The following ORC3 variants were observed in gnomAD, a reference collection of about 807,000 sequenced individuals.
ORC3 encodes the protein homolog of latheo, Drosophila.
In ORC3, 78 loss-of-function variants were observed where a neutral mutation model predicts 100.7. That is an observed-to-expected ratio of 0.77 (90% CI 0.65 to 0.94). ORC3 has a LOEUF of 0.94. Among genes scored for constraint, ORC3 ranks in the 40% least tolerant of loss-of-function variants. The pLI is 0.00. For synonymous variants in ORC3, 295 were observed against 289.3 expected (o/e 1.02, Z -0.20); for missense variants, 789 against 823.9 (o/e 0.96, Z 0.52).
At chr6:87,621,798 A>G (rs1356190719) in intron 10 of ORC3, 152 bp from the exon 11 acceptor site, 4 of 601,094 alleles carry the variant, frequency 6.7e-6, no homozygotes, top group Non-Finnish European at 1.2e-5. Context: ...TAAAATTACC[A>G]TTAAACCATA....
At chr6:87,640,647 T>G (rs1768174017) in intron 13 of ORC3, among the ~76,000 whole-genome samples, 1 of 152,202 alleles carries the variant, frequency 6.6e-6, no homozygotes, top group Admixed American at 6.5e-5. Context: ...GTACAACTGT[T>G]TTTCCTTATC....
chr6:87,602,912 T>TTATA (rs1554236438), intron 3 of ORC3, among the ~76,000 whole-genome samples: 4 of 36,242 alleles, frequency 1.1e-4, no homozygotes, highest in African/African-American at 1.6e-4. Flanking sequence ...ATATTATATA[T>TTATA]TATATATATA....
chr6:87,632,811 CAG>C (rs1355204176), intron 11 of ORC3, among the ~76,000 whole-genome samples: 4 of 152,080 alleles, frequency 2.6e-5, no homozygotes, highest in Non-Finnish European at 4.4e-5. Context: ...TTGCAGTGAG[CAG>C]AGAGTTAGAC....
At chr6:87,661,554 G>A (rs189713497) in intron 16 of ORC3, among the ~76,000 whole-genome samples, 2 of 152,128 alleles carry the variant, frequency 1.3e-5, no homozygotes, top group African/African-American at 2.4e-5. Context: ...TGGCCACATC[G>A]GGACAAAGCA....
In ORC3 at chr6:87,609,198, A is replaced by G. The variant is rs773205281; in HGVS notation, c.682A>G (p.Lys228Glu). 8.1e-6 allele frequency: 13 copies of G among 1,609,290 alleles called. No homozygotes were observed. The highest frequency in any genetic ancestry group is 1.1e-5 in the Non-Finnish European group (13 of 1,178,604). ...GAAGGATATGGAAAGCTTTGCCACA[A>G]AAGTACTACAAGACTTCATAATTAT... ...ILKDMESFAT[K>E]VLQDFIIISS... The change falls in exon 7 of 20, where the codon AAA becomes GAA. Residue 228 changes from lysine (K) to glutamate (E), a missense_variant. Physicochemically the swap from Lys to Glu is moderately conservative, Grantham distance 56. Transcript: ENST00000392844.
intron 14 of ORC3, among the ~76,000 whole-genome samples, chr6:87,655,158 T>C (rs1440674005): frequency 6.6e-6 from 1 of 152,076 alleles, no homozygotes; most frequent in Non-Finnish European, 1.5e-5. Flanking sequence ...AAAATTACAG[T>C]TGGGAAGAGT....
intron 9 of ORC3, among the ~76,000 whole-genome samples, chr6:87,620,230 G>C (rs1285521687): frequency 6.6e-6 from 1 of 152,120 alleles, no homozygotes; most frequent in Non-Finnish European, 1.5e-5. Flanking sequence ...TGTCCGAAAA[G>C]TACTGTTAAC....
chr6:87,658,019 G>C lies in ORC3; in HGVS notation c.1691+1G>C. ...TGAACTTCATTGACTGTCTAGTGAG[G>C]TAAGTCTAAATTTAGCTCTTAAGAG... On this transcript the variant is annotated splice_donor_variant, in intron 16 of 19. Coordinates refer to ENST00000392844, the MANE Select transcript of ORC3 (RefSeq NM_012381.4). LOFTEE classifies it high-confidence loss of function. 6.4e-7 allele frequency: 1 copy of C among 1,552,030 alleles called. No individual in the cohort carries two copies. Among genetic ancestry groups the C allele is most frequent in the Non-Finnish European group, 8.9e-7 (1 of 1,124,702 alleles).
At chr6:87,676,465 A>C in the ORC3 span, among the ~76,000 whole-genome samples, 4 of 142,642 alleles carry the variant, frequency 2.8e-5, no homozygotes, top group Non-Finnish European at 4.7e-5. Context: ...AAAAAAAAAA[A>C]AAAAAACGAG....
chr6:87,654,268 G>A (rs1240876239), intron 14 of ORC3, among the ~76,000 whole-genome samples: 1 of 152,184 alleles, frequency 6.6e-6, no homozygotes, highest in South Asian at 2.1e-4. Flanking sequence ...TGAGGCACCT[G>A]ATGAGTGCTC....
chr6:87,623,700 A>G lies in ORC3; in HGVS notation c.1185+1687A>G, dbSNP rs1431600261. On this transcript the variant is annotated intron_variant, in intron 11 of 19. Transcript: ENST00000392844. ...GGAGTTCAAGACCAGTCTGGCCAAC[A>G]TTGTGAAACCCCATCTCTACTAAAA... is the stretch of plus-strand genomic sequence containing the variant. Among the ~76,000 whole-genome samples, 3 of 152,260 alleles carry G rather than the reference A, an allele frequency of 2.0e-5. No individual in the cohort carries two copies. In the East Asian group the frequency reaches 5.8e-4, roughly 29 times the overall value.
chr6:87,661,869 T>A (rs1015881449), intron 16 of ORC3, among the ~76,000 whole-genome samples: 1 of 152,134 alleles, frequency 6.6e-6, no homozygotes, highest in Non-Finnish European at 1.5e-5. Flanking sequence ...TTTGCCACCC[T>A]CCAGGCATCC....
At chr6:87,595,651 C>G (rs1252191055) in intron 2 of ORC3, among the ~76,000 whole-genome samples, 1 of 152,198 alleles carries the variant, frequency 6.6e-6, no homozygotes, top group African/African-American at 2.4e-5. Flanking sequence ...GGGTCCCACA[C>G]AGTTCTCAAT....
At chr6:87,644,504 C>G (rs1013479046) in intron 13 of ORC3, among the ~76,000 whole-genome samples, 2 of 151,952 alleles carry the variant, frequency 1.3e-5, no homozygotes, top group Non-Finnish European at 1.5e-5. Flanking sequence ...TTCAGGAGAC[C>G]AGCCTGGCCA....
intron 16 of ORC3, among the ~76,000 whole-genome samples, chr6:87,659,357 C>G (rs1010685415): frequency 1.3e-5 from 2 of 151,842 alleles, no homozygotes; most frequent in Non-Finnish European, 2.9e-5. Context: ...CCACCGCGCC[C>G]GGCCCTGTTT....
intron 1 of ORC3, among the ~76,000 whole-genome samples, chr6:87,592,010 C>A (rs1314159053): frequency 2.0e-5 from 3 of 152,182 alleles, no homozygotes; most frequent in Admixed American, 2.0e-4. Context: ...GGATTACAGG[C>A]GTGAGCCACC....
chr6:87,650,632 T>C (rs760099627), intron 13 of ORC3, among the ~76,000 whole-genome samples: 29 of 152,232 alleles, frequency 1.9e-4, no homozygotes, highest in Non-Finnish European at 3.5e-4. Context: ...TCAAGTCTTG[T>C]CATTTTACAT....
At chr6:87,644,190 TCA>T (rs1768546656) in intron 13 of ORC3, among the ~76,000 whole-genome samples, 1 of 143,024 alleles carries the variant, frequency 7.0e-6, no homozygotes, top group African/African-American at 2.6e-5. Flanking sequence ...CCTCCCGGGT[TCA>T]CGCCATTCTC....
chr6:87,633,505 T>C (rs1389783435), intron 11 of ORC3, among the ~76,000 whole-genome samples: 1 of 152,250 alleles, frequency 6.6e-6, no homozygotes, highest in Non-Finnish European at 1.5e-5. Flanking sequence ...TAATCTGCCA[T>C]GTGCTTTCAG....
Sources: gnomAD v4.1 joint callset for allele counts (sites outside exome capture counted in the v4.1 genomes callset) on GRCh38, gnomAD v4.1.1 for gene constraint, MANE v1.5 for transcripts, NCBI Gene and HGNC (gene_info 2026-07-23, HGNC 2026-07-21) for gene names.